CACNA2D2: variants seen among roughly 807,000 people sequenced by gnomAD.
CACNA2D2 encodes the protein voltage-dependent calcium channel subunit alpha-2/delta-2.
A neutral mutation model predicts 166.4 loss-of-function variants in CACNA2D2; 48 were observed. The ratio of observed to expected loss-of-function variants is 0.29; its 90% CI spans 0.23 to 0.37. CACNA2D2 has a LOEUF of 0.37. CACNA2D2 is among the 10% of genes least tolerant of loss of function. The probability of loss-of-function intolerance (pLI) is 1.00; values close to 1 mark genes in which losing one functional copy is unlikely to be tolerated. For synonymous variants in CACNA2D2, 561 were observed against 573.7 expected (o/e 0.98, Z 0.32); for missense variants, 1,122 against 1,433.0 (o/e 0.78, Z 3.50).
intron 1 of CACNA2D2, among the ~76,000 whole-genome samples, chr3:50,483,589 T>G (rs773049589): frequency 2.2e-4 from 33 of 152,168 alleles, no homozygotes; most frequent in Non-Finnish European, 4.0e-4. Context: ...GCCCAATATT[T>G]ACTCATAGCA....
At position 50,380,094 on chromosome 3, in the gene CACNA2D2, G is replaced by T; in HGVS notation, c.843-76C>A. On this transcript the variant is annotated intron_variant, in intron 8 of 37. Coordinates refer to ENST00000424201, the MANE Select transcript of CACNA2D2 (RefSeq NM_006030.4). The surrounding 1 kb of genome is among the most constrained non-coding windows in gnomAD (Gnocchi z 4.9). ...TCCTTCCTTCCTTCACATACATATTGATTCAATACATTTCTCTTGAGCATG... is the reference window on the plus strand; with the variant it reads ...TCCTTCCTTCCTTCACATACATATTTATTCAATACATTTCTCTTGAGCATG... 7.0e-7 allele frequency: 1 copy of T among 1,430,972 alleles called. No homozygotes were observed. The highest frequency in any genetic ancestry group is 9.8e-7 in the Non-Finnish European group (1 of 1,015,424). The allele number at this position is 1,430,972 out of a possible 1,614,324, so 88.6% of individuals were successfully genotyped here. A position where few individuals can be genotyped will look rare whatever the true frequency, so the allele number is the denominator to read the frequency against.
In CACNA2D2 at chr3:50,365,240, C is replaced by A; in HGVS notation, c.3099-56G>T. ...AGTTTGCCCCGCCCTGACCCACCCC[C>A]ATCCTGCGGCCCCGCCCCCGGCCGC... On this transcript the variant is annotated intron_variant, in intron 35 of 37. Coordinates refer to ENST00000424201, the MANE Select transcript of CACNA2D2 (RefSeq NM_006030.4). This position sits in a 1 kb window ranked among gnomAD's most constrained non-coding sequence, Gnocchi z 4.5. 4 of 1,567,004 alleles carry A rather than the reference C, an allele frequency of 2.6e-6. No individual in the cohort carries two copies. The highest frequency in any genetic ancestry group is 4.0e-4 in the Middle Eastern group (2 of 5,028).
intron 22 of CACNA2D2, among the ~76,000 whole-genome samples, 170 bp from the exon 23 acceptor site, chr3:50,370,550 G>C (rs892479276): frequency 1.3e-5 from 2 of 152,036 alleles, no homozygotes; most frequent in Non-Finnish European, 2.9e-5. Context: ...GAGAAGGGAC[G>C]GGCAGGGAGG....
chr3:50,497,907 C>G (rs1312336691), intron 1 of CACNA2D2, among the ~76,000 whole-genome samples: 2 of 152,110 alleles, frequency 1.3e-5, no homozygotes, highest in Admixed American at 6.5e-5. Context: ...CTTGTTTAGA[C>G]AGTAGGCACC....
At chr3:50,448,772 GA>G (rs941888720) in intron 2 of CACNA2D2, among the ~76,000 whole-genome samples, 1 of 152,036 alleles carries the variant, frequency 6.6e-6, no homozygotes, top group African/African-American at 2.4e-5. Flanking sequence ...ATTTCAGAGG[GA>G]CTAGAGCCCT....
chr3:50,444,301 G>A (rs537820307), intron 2 of CACNA2D2, among the ~76,000 whole-genome samples: 103 of 152,306 alleles, frequency 6.8e-4, no homozygotes, highest in African/African-American at 2.3e-3. Flanking sequence ...GCGCCGGGAG[G>A]GTCAGAATCT....
chr3:50,461,450 G>A (rs943634056), intron 2 of CACNA2D2, among the ~76,000 whole-genome samples: 2 of 152,116 alleles, frequency 1.3e-5, no homozygotes, highest in Admixed American at 1.3e-4. Flanking sequence ...AACTGAAAAT[G>A]TTCTCAGCTG....
chr3:50,410,483 G>C (rs1024121838), intron 3 of CACNA2D2, among the ~76,000 whole-genome samples: 5 of 147,598 alleles, frequency 3.4e-5, no homozygotes, highest in East Asian at 2.0e-4. Flanking sequence ...CCTGGGATGG[G>C]GGGGGGGGTG....
chr3:50,395,057 AC>A (rs1706080570), intron 3 of CACNA2D2, among the ~76,000 whole-genome samples: 1 of 152,074 alleles, frequency 6.6e-6, no homozygotes, highest in Non-Finnish European at 1.5e-5. Context: ...TCCCTTCTCT[AC>A]AGGAAACCTT....
At chr3:50,447,112 G>C (rs180768402) in intron 2 of CACNA2D2, among the ~76,000 whole-genome samples, 3 of 152,330 alleles carry the variant, frequency 2.0e-5, no homozygotes, top group East Asian at 1.9e-4. Context: ...ATGCAAAGGT[G>C]AAGAAGAAGG....
intron 3 of CACNA2D2, among the ~76,000 whole-genome samples, chr3:50,430,360 C>T (rs961732349): frequency 1.3e-5 from 2 of 152,220 alleles, no homozygotes; most frequent in African/African-American, 4.8e-5. Context: ...CTCTGAGCCA[C>T]ACAGCACAGG....
In CACNA2D2 at chr3:50,409,337, G is replaced by A. The variant is rs1462894649; in HGVS notation, c.406-15169C>T. On this transcript the variant is annotated intron_variant, in intron 3 of 37. Coordinates refer to ENST00000424201, the MANE Select transcript of CACNA2D2 (RefSeq NM_006030.4). Reference sequence around the variant, plus strand: ...TGCCTGAAGGTGGGGGCAGCCTGGAGGAGGCAGCAGAGCAAGCTGCAGGGA... The same window carrying A: ...TGCCTGAAGGTGGGGGCAGCCTGGAAGAGGCAGCAGAGCAAGCTGCAGGGA... Among the ~76,000 whole-genome samples, 7 of 152,256 alleles carry A rather than the reference G, an allele frequency of 4.6e-5. No homozygotes were observed. In the South Asian group the frequency reaches 1.4e-3, roughly 32 times the overall value.
At chr3:50,434,973 G>A (rs1708243626) in intron 2 of CACNA2D2, among the ~76,000 whole-genome samples, 1 of 152,220 alleles carries the variant, frequency 6.6e-6, no homozygotes, top group African/African-American at 2.4e-5. Flanking sequence ...GAACTAGCAG[G>A]AGCTCTGGGC....
chr3:50,417,633 A>T (rs1188712126), intron 3 of CACNA2D2, among the ~76,000 whole-genome samples: 3 of 152,038 alleles, frequency 2.0e-5, no homozygotes, highest in Non-Finnish European at 2.9e-5. Flanking sequence ...GGAGGAAGGC[A>T]TGCCTCCTCC....
At chr3:50,415,431 TGAA>T (rs1707225112) in intron 3 of CACNA2D2, among the ~76,000 whole-genome samples, 1 of 152,216 alleles carries the variant, frequency 6.6e-6, no homozygotes. Context: ...ATCTGTGCAA[TGAA>T]GGACACAGAC....
chr3:50,397,279 T>C (rs529085401), intron 3 of CACNA2D2, among the ~76,000 whole-genome samples: 6 of 152,310 alleles, frequency 3.9e-5, no homozygotes, highest in Admixed American at 3.9e-4. Context: ...ATCAAGCCAT[T>C]ATTATTTTTT....
chr3:50,458,081 G>A (rs1709441912), intron 2 of CACNA2D2, among the ~76,000 whole-genome samples: 1 of 152,228 alleles, frequency 6.6e-6, no homozygotes, highest in Admixed American at 6.5e-5. Flanking sequence ...ATGAGCACAG[G>A]GAAGGTGCTG....
At chr3:50,398,180 G>A (rs924117086) in intron 3 of CACNA2D2, among the ~76,000 whole-genome samples, 68 of 152,232 alleles carry the variant, frequency 4.5e-4, no homozygotes, top group African/African-American at 1.6e-3. Context: ...GCCTGTCTTG[G>A]GGAGATGCAC....
At chr3:50,412,816 C>T (rs1009283669) in intron 3 of CACNA2D2, among the ~76,000 whole-genome samples, 3 of 152,138 alleles carry the variant, frequency 2.0e-5, no homozygotes, top group Non-Finnish European at 4.4e-5. Context: ...AGGATGTCAC[C>T]GTGGAGTTTT....
Sources: gnomAD v4.1 joint callset for allele counts (sites outside exome capture counted in the v4.1 genomes callset) on GRCh38, gnomAD v4.1.1 for gene constraint, Gnocchi (gnomAD v3.1) non-coding constraint, MANE v1.5 for transcripts, NCBI Gene and HGNC (gene_info 2026-07-23, HGNC 2026-07-21) for gene names.